STX8: variants seen among roughly 807,000 people sequenced by gnomAD.
The protein encoded by STX8 is syntaxin 8, also known as syntaxin-8.
A neutral mutation model predicts 37.5 loss-of-function variants in STX8; 23 were observed. That is an observed-to-expected ratio of 0.61 (90% CI 0.44 to 0.87). The LOEUF is 0.87. Among genes scored for constraint, STX8 ranks in the 40% least tolerant of loss-of-function variants. The pLI, the probability that STX8 is intolerant of heterozygous loss-of-function variation, is 0.00. For missense variants in STX8, 313 were observed against 284.7 expected (o/e 1.10, Z -0.71); for synonymous variants, 115 against 99.1 (o/e 1.16, Z -0.95).
At chr17:9,497,767 C>T (rs979129571) in intron 5 of STX8, among the ~76,000 whole-genome samples, 2 of 152,182 alleles carry the variant, frequency 1.3e-5, no homozygotes, top group Non-Finnish European at 2.9e-5. Context: ...GAGACTTCTT[C>T]TTTTTCTATG....
In STX8 at chr17:9,268,573, G is replaced by A. The variant is rs539712291; in HGVS notation, c.644-17928C>T. On this transcript the variant is annotated intron_variant, in intron 7 of 7. Transcript: ENST00000306357. ...CCAAACAATTCACCACCCTAAAGAC[G>A]TCCTCCTGTGAACAGCAGATTATCT... Among the ~76,000 whole-genome samples, 5 of 152,236 alleles carry A rather than the reference G, an allele frequency of 3.3e-5. No homozygotes were observed. In the South Asian group the frequency reaches 8.3e-4, roughly 25 times the overall value.
chr17:9,560,653 CAATTTAAATCTAT>C (rs1184028047), intron 2 of STX8, among the ~76,000 whole-genome samples: 1 of 151,490 alleles, frequency 6.6e-6, no homozygotes, highest in Non-Finnish European at 1.5e-5. Context: ...AAGTTTTCCC[CAATTTAAATCTAT>C]AAACATACAT....
rs572039456 is a variant in STX8, at chr17:9,287,317, C to G, written c.644-36672G>C. 2.1e-3 allele frequency among the ~76,000 whole-genome samples: 321 copies of G among 152,180 alleles called. 4 individuals are homozygous for G. The highest frequency in any genetic ancestry group is 1.2e-3 in the Non-Finnish European group (81 of 68,004). On this transcript the variant is annotated intron_variant, in intron 7 of 7. Coordinates refer to ENST00000306357, the MANE Select transcript of STX8 (RefSeq NM_004853.3). ...AAAGACTATATGAGGGCCAGATGCACCCCAGGTCCCTGCCACCACCGCACA... is the reference window on the plus strand; with the variant it reads ...AAAGACTATATGAGGGCCAGATGCAGCCCAGGTCCCTGCCACCACCGCACA...
chr17:9,450,844 T>C (rs896097889), intron 6 of STX8, among the ~76,000 whole-genome samples: 22 of 152,104 alleles, frequency 1.4e-4, no homozygotes, highest in African/African-American at 5.3e-4. Context: ...ATACCTGCTC[T>C]TAACCAGCAA....
intron 1 of STX8, among the ~76,000 whole-genome samples, chr17:9,570,841 A>G (rs1348799659): frequency 6.6e-6 from 1 of 152,206 alleles, no homozygotes; most frequent in African/African-American, 2.4e-5. Context: ...CAAGGCACTC[A>G]GATGGAGAGG....
At chr17:9,543,894 T>C (rs1033899627) in intron 4 of STX8, among the ~76,000 whole-genome samples, 1 of 152,216 alleles carries the variant, frequency 6.6e-6, no homozygotes. Context: ...AGTTTCTTCA[T>C]GGAACCTTGG....
At chr17:9,301,576 G>A (rs543334931) in intron 7 of STX8, among the ~76,000 whole-genome samples, 1 of 151,520 alleles carries the variant, frequency 6.6e-6, no homozygotes, top group South Asian at 2.1e-4. Flanking sequence ...TCCACCTCCC[G>A]CGTTCACGCC....
chr17:9,365,702 GGTGGCTCAC>G (rs1911209182), intron 7 of STX8, among the ~76,000 whole-genome samples: 1 of 152,260 alleles, frequency 6.6e-6, no homozygotes, highest in South Asian at 2.1e-4. Flanking sequence ...GGCCACGTGA[GGTGGCTCAC>G]GCCTGTAATC....
At chr17:9,464,214 A>G (rs1289614170) in intron 6 of STX8, among the ~76,000 whole-genome samples, 2 of 152,260 alleles carry the variant, frequency 1.3e-5, no homozygotes, top group Non-Finnish European at 2.9e-5. Context: ...TATTGTAAAG[A>G]GCAGTTGCTT....
intron 6 of STX8, among the ~76,000 whole-genome samples, chr17:9,409,014 C>G (rs1037761226): frequency 4.6e-5 from 7 of 151,950 alleles, no homozygotes; most frequent in Non-Finnish European, 1.0e-4. Flanking sequence ...CTCCCTACCC[C>G]CCCTACTGCT....
At chr17:9,349,414 G>A (rs1027385632) in intron 7 of STX8, among the ~76,000 whole-genome samples, 7 of 145,580 alleles carry the variant, frequency 4.8e-5, no homozygotes, top group Admixed American at 7.1e-5. Context: ...TCCGCCTCCT[G>A]GGTTCAAGTG....
chr17:9,265,299 A>G (rs1309211034), intron 7 of STX8, among the ~76,000 whole-genome samples: 2 of 152,238 alleles, frequency 1.3e-5, no homozygotes, highest in Admixed American at 6.5e-5. Flanking sequence ...TGGGGCCCAG[A>G]TTGGGGCAGG....
chr17:9,416,882 T>C (rs2142343767), intron 6 of STX8, among the ~76,000 whole-genome samples: 1 of 152,334 alleles, frequency 6.6e-6, no homozygotes, highest in East Asian at 1.9e-4. Context: ...ATTGTTCCTA[T>C]AGATAACATC....
chr17:9,424,060 C>T (rs988131335), intron 6 of STX8, among the ~76,000 whole-genome samples: 5 of 152,086 alleles, frequency 3.3e-5, no homozygotes, highest in African/African-American at 1.2e-4. Flanking sequence ...ATGTGTTGAC[C>T]TCATAAAACT....
chr17:9,352,435 G>C (rs1910736733), intron 7 of STX8, among the ~76,000 whole-genome samples: 1 of 150,572 alleles, frequency 6.6e-6, no homozygotes, highest in Admixed American at 6.6e-5. Flanking sequence ...TCTTAGCTGG[G>C]AGAAAGAGCC....
At chr17:9,258,999 C>T (rs554292334) in intron 7 of STX8, among the ~76,000 whole-genome samples, 1 of 152,330 alleles carries the variant, frequency 6.6e-6, no homozygotes, top group South Asian at 2.1e-4. Flanking sequence ...GACTCCCTTC[C>T]ACCTTTGGTT....
chr17:9,507,496 G>T lies in STX8; in HGVS notation c.324-2334C>A, dbSNP rs968865256. ...TGCCTGAGAAATAGCCCTGTAGGCT[G>T]TCCCCAGCAGGCATTCCCCACAGGA... On this transcript the variant is annotated intron_variant, in intron 4 of 7. Transcript: ENST00000306357. This position sits in a 1 kb window ranked among gnomAD's most constrained non-coding sequence, Gnocchi z 4.0. Among the ~76,000 whole-genome samples the T allele has an allele frequency of 6.6e-6, 1 of 152,174 alleles. No individual in the cohort carries two copies. Among genetic ancestry groups the T allele is most frequent in the Non-Finnish European group, 1.5e-5 (1 of 68,036 alleles).
intron 6 of STX8, among the ~76,000 whole-genome samples, chr17:9,475,208 C>G (rs75172218): frequency 6.6e-6 from 1 of 152,058 alleles, no homozygotes; most frequent in African/African-American, 2.4e-5. Flanking sequence ...ACTGAAGACA[C>G]GAAGAAGCGT....
In STX8 at chr17:9,512,303, CA is replaced by C. The variant is rs1567592289; in HGVS notation, c.324-7142del. On this transcript the variant is annotated intron_variant, in intron 4 of 7. Transcript: ENST00000306357. The stretch of plus-strand genomic sequence containing the variant: ...GACAAGCGATCCTAAGCAAAAAGAA[CA>C]AAGCTGGAGGCATCACACTACCAGA... Among the ~76,000 whole-genome samples, 3 of 152,256 alleles carry C rather than the reference CA, an allele frequency of 2.0e-5. No homozygotes were observed. In the East Asian group the frequency reaches 5.8e-4, roughly 29 times the overall value.
Sources: allele counts gnomAD v4.1 joint callset (sites outside exome capture counted in the v4.1 genomes callset), GRCh38; gene constraint gnomAD v4.1.1; non-coding constraint Gnocchi (gnomAD v3.1); transcripts MANE v1.5; gene names NCBI Gene and HGNC (gene_info 2026-07-23, HGNC 2026-07-21).